The following PAK1 variants were observed in gnomAD, a reference collection of about 807,000 sequenced individuals.
The protein encoded by PAK1 is p21 (RAC1) activated kinase 1.
A neutral mutation model predicts 67.4 loss-of-function variants in PAK1; 29 were observed. The observed-to-expected ratio is 0.43, with a 90% confidence interval of 0.32 to 0.59. The LOEUF is 0.59. Among genes scored for constraint, PAK1 ranks in the 20% least tolerant of loss-of-function variants. The pLI, the probability that PAK1 is intolerant of heterozygous loss-of-function variation, is 0.07. For missense variants in PAK1, 337 were observed against 670.7 expected, an observed-to-expected ratio of 0.50 and a Z score of 5.50; for synonymous variants, 223 against 237.4, an observed-to-expected ratio of 0.94 and a Z score of 0.56.
Position 77,407,375 on chromosome 11 carries a change from G to A in PAK1, c.-21-14834C>T, listed in dbSNP as rs565388553. ...ACCCCACTCCTTTTCCTTTACTCAC[G>A]GAGGATTGAGGTTCAATCCTCTCCT... On this transcript the variant is annotated intron_variant, in intron 1 of 14. Coordinates refer to ENST00000356341, the MANE Select transcript of PAK1 (RefSeq NM_002576.5). Among the ~76,000 whole-genome samples the A allele has an allele frequency of 2.2e-3, 337 of 152,172 alleles. 1 individual carries two copies. Among genetic ancestry groups the A allele is most frequent in the Non-Finnish European group, 3.5e-3 (237 of 68,010 alleles).
chr11:77,504,118 C>A, the PAK1 span, among the ~76,000 whole-genome samples: 16 of 152,296 alleles, frequency 1.1e-4, no homozygotes, highest in African/African-American at 3.6e-4. Flanking sequence ...GTCTCAAACT[C>A]CTGACCTCAA....
chr11:77,365,072 C>A (rs1947315130), intron 5 of PAK1, among the ~76,000 whole-genome samples: 2 of 151,700 alleles, frequency 1.3e-5, no homozygotes, highest in Admixed American at 1.3e-4. Context: ...TATGGTGAAA[C>A]CCCATCTCTA....
At chr11:77,415,521 G>C (rs1230753288) in intron 1 of PAK1, among the ~76,000 whole-genome samples, 1 of 152,044 alleles carries the variant, frequency 6.6e-6, no homozygotes, top group East Asian at 1.9e-4. Context: ...GCATGTTACT[G>C]TACTGAATAC....
chr11:77,392,189 C>A, intron 2 of PAK1, 142 bp downstream of exon 2: 1 of 604,058 alleles, frequency 1.7e-6, no homozygotes, highest in Non-Finnish European at 2.7e-6. Flanking sequence ...GCTTCAGCCA[C>A]TGTAGGGAGA....
chr11:77,333,000 G>T (rs1355831089), intron 13 of PAK1, 133 bp from the exon 14 acceptor site: 9 of 747,996 alleles, frequency 1.2e-5, no homozygotes, highest in Non-Finnish European at 2.0e-5. Context: ...ATATATACTG[G>T]AAAGAGTATG....
At chr11:77,425,688 G>T (rs2138241016) in intron 1 of PAK1, among the ~76,000 whole-genome samples, 1 of 152,196 alleles carries the variant, frequency 6.6e-6, no homozygotes, top group East Asian at 1.9e-4. Context: ...CTAGCACCGT[G>T]TAAGGCATAG....
intron 13 of PAK1, among the ~76,000 whole-genome samples, chr11:77,334,520 T>C (rs1005580555): frequency 1.3e-5 from 2 of 152,218 alleles, no homozygotes; most frequent in African/African-American, 4.8e-5. Flanking sequence ...TCAGAATAAA[T>C]TTCACATTTG....
intron 1 of PAK1, among the ~76,000 whole-genome samples, chr11:77,399,944 T>C (rs547776666): frequency 6.8e-6 from 1 of 146,850 alleles, no homozygotes; most frequent in South Asian, 2.2e-4. Flanking sequence ...ATGGATATGA[T>C]AAAGTTAGTA....
At chr11:77,500,206 C>T in the PAK1 span, among the ~76,000 whole-genome samples, 34 of 152,310 alleles carry the variant, frequency 2.2e-4, no homozygotes, top group African/African-American at 6.7e-4. Flanking sequence ...CGGTGGCTCA[C>T]GCCTGTAATC....
intron 5 of PAK1, among the ~76,000 whole-genome samples, chr11:77,360,367 G>A (rs1369261522): frequency 6.6e-6 from 1 of 152,152 alleles, no homozygotes; most frequent in Non-Finnish European, 1.5e-5. Flanking sequence ...TGAAGGAAGA[G>A]GAGTGTTATA....
At chr11:77,426,928 T>G (rs1002332582) in intron 1 of PAK1, among the ~76,000 whole-genome samples, 1 of 145,146 alleles carries the variant, frequency 6.9e-6, no homozygotes, top group African/African-American at 2.6e-5. Flanking sequence ...AATCTCAGGG[T>G]AGAAAAGAAA....
the PAK1 span, among the ~76,000 whole-genome samples, chr11:77,495,174 A>AT: frequency 3.4e-5 from 5 of 145,884 alleles, no homozygotes; most frequent in Middle Eastern, 3.8e-3. Flanking sequence ...AAAAAAAAAA[A>AT]TTTTTTTTTA....
intron 2 of PAK1, among the ~76,000 whole-genome samples, chr11:77,390,726 T>C (rs1229970772): frequency 6.8e-6 from 1 of 146,794 alleles, no homozygotes; most frequent in Non-Finnish European, 1.5e-5. Context: ...AGTCTCAAAC[T>C]CCTGAGCTCA....
the PAK1 span, among the ~76,000 whole-genome samples, chr11:77,526,894 C>T: frequency 7.5e-5 from 11 of 147,276 alleles, no homozygotes; most frequent in African/African-American, 1.3e-4. Context: ...CCAGCCTAGG[C>T]GACAGAGTGA....
intron 1 of PAK1, among the ~76,000 whole-genome samples, chr11:77,416,026 A>C (rs1954933205): frequency 7.2e-6 from 1 of 138,396 alleles, no homozygotes; most frequent in Non-Finnish European, 1.6e-5. Flanking sequence ...TCACCCAGGC[A>C]GGAGTGCAGT....
intron 5 of PAK1, among the ~76,000 whole-genome samples, chr11:77,361,564 C>T (rs1946793255): frequency 6.7e-6 from 1 of 150,018 alleles, no homozygotes; most frequent in Non-Finnish European, 1.5e-5. Flanking sequence ...GTAATCTATA[C>T]ATTTTTTTTC....
At chr11:77,487,499 T>C in the PAK1 span, among the ~76,000 whole-genome samples, 61 of 152,036 alleles carry the variant, frequency 4.0e-4, no homozygotes, top group Admixed American at 2.4e-3. Flanking sequence ...AAGCAGGCTC[T>C]TGGGGTTCCT....
intron 8 of PAK1, among the ~76,000 whole-genome samples, chr11:77,351,123 C>T (rs189031725): frequency 3.1e-3 from 468 of 152,190 alleles, no homozygotes; most frequent in African/African-American, 0.011. Flanking sequence ...GCAAAAATTA[C>T]AATATTACCA....
Position 77,379,326 on chromosome 11 carries a change from C to T in PAK1, c.354G>A (p.Lys118=). Residue 118 remains lysine, a synonymous_variant, in exon 4 of 15, where the codon AAG becomes AAA. Coordinates refer to ENST00000356341, the MANE Select transcript of PAK1 (RefSeq NM_002576.5). ...QTSNITKSEQ[K]KNPQAVLDVL... is the part of the protein sequence containing the mutation. ...CATCCAGAACAGCCTGCGGGTTTTT[C>T]TTCTGCTCCGACTTAGTGATATTTG... 6.2e-7 allele frequency: 1 copy of T among 1,613,990 alleles called. No homozygotes were observed. The highest frequency in any genetic ancestry group is 1.7e-4 in the Middle Eastern group (1 of 5,988).
Sources: allele counts gnomAD v4.1 joint callset (sites outside exome capture counted in the v4.1 genomes callset), GRCh38; gene constraint gnomAD v4.1.1; transcripts MANE v1.5; gene names NCBI Gene and HGNC (gene_info 2026-07-23, HGNC 2026-07-21).